EVC2: variants seen among roughly 807,000 people sequenced by gnomAD.
EVC2 encodes the protein limbin.
In EVC2, 148 loss-of-function variants were observed where a neutral mutation model predicts 149.3. The ratio of observed to expected loss-of-function variants is 0.99; its 90% CI spans 0.87 to 1.14. EVC2 has a LOEUF of 1.14. Among genes scored for constraint, EVC2 ranks in the 50% most tolerant of loss-of-function variants. The pLI, the probability that EVC2 is intolerant of heterozygous loss-of-function variation, is 0.00. For synonymous variants in EVC2, 776 were observed against 649.9 expected (o/e 1.19, Z -2.95); for missense variants, 1,854 against 1,627.3 (o/e 1.14, Z -2.40).
At chr4:5,689,032 T>G in intron 5 of EVC2, 125 bp downstream of exon 5, 9 of 1,029,552 alleles carry the variant, frequency 8.7e-6, no homozygotes, top group Non-Finnish European at 1.3e-5. Context: ...AGATCCACTG[T>G]GAGGATTAGG....
At position 5,615,440 on chromosome 4, in the gene EVC2, A is replaced by G. The variant is rs374968184; in HGVS notation, c.2811T>C (p.Ser937=). ...DKIHLCEEQA[S]EDLVEKVRGE... ...TACTGACCTTTTCCACCAGGTCTTC[A>G]GAGGCCTGTTCCTCACAGAGGTGAA... Residue 937 remains serine (S), a synonymous_variant, in exon 16 of 22, where the codon TCT becomes TCC. Coordinates refer to ENST00000344408, the MANE Select transcript of EVC2 (RefSeq NM_147127.5). 2 of 1,614,116 alleles carry G rather than the reference A, an allele frequency of 1.2e-6. No homozygotes were observed. The highest frequency in any genetic ancestry group is 1.3e-5 in the African/African-American group (1 of 74,946).
chr4:5,562,422 G>T, downstream of EVC2: 2 of 1,011,766 alleles, frequency 2.0e-6, no homozygotes, highest in Non-Finnish European at 2.4e-6. This position sits in a 1 kb window ranked among gnomAD's most constrained non-coding sequence, Gnocchi z 4.3. Flanking sequence ...GCAAACATGG[G>T]TTTTGTAATA....
At chr4:5,539,185 C>T (rs1721469556), downstream of EVC2, among the ~76,000 whole-genome samples, 1 of 152,140 alleles carries the variant, frequency 6.6e-6, no homozygotes, top group Admixed American at 6.5e-5. Flanking sequence ...TTTTAAAAGG[C>T]AGTGTGATTA....
intron 9 of EVC2, among the ~76,000 whole-genome samples, chr4:5,651,278 G>A (rs573299859): frequency 6.6e-6 from 1 of 152,124 alleles, no homozygotes; most frequent in Admixed American, 6.5e-5. Context: ...ATATGCAGAT[G>A]GATGGATGAT....
intron 16 of EVC2, among the ~76,000 whole-genome samples, chr4:5,590,071 G>C (rs1039630540): frequency 6.6e-6 from 1 of 152,136 alleles, no homozygotes; most frequent in Non-Finnish European, 1.5e-5. Flanking sequence ...GGAACAGCAT[G>C]ACCAGAGGCA....
rs537460532 is a variant in EVC2, at chr4:5,568,409, C to G, written c.3557+35G>C. ...TCATGGGGACCCTTGTGGACAGGGA[C>G]GTGCCCCGGGAGGCAGCCCCTCCAC... On this transcript the variant is annotated intron_variant, in intron 20 of 21. Transcript: ENST00000344408. 4.6e-6 allele frequency: 7 copies of G among 1,534,974 alleles called. No individual in the cohort carries two copies. In the East Asian group the frequency reaches 1.7e-4, roughly 37 times the overall value.
intron 13 of EVC2, among the ~76,000 whole-genome samples, chr4:5,624,186 G>A (rs1030359102): frequency 6.6e-6 from 1 of 152,036 alleles, no homozygotes; most frequent in Non-Finnish European, 1.5e-5. Flanking sequence ...GCCCCGTGGT[G>A]GGAAAAAAAT....
At position 5,628,125 on chromosome 4, in the gene EVC2, T is replaced by TG. The variant is rs549434898; in HGVS notation, c.1886+433dup. 1.2e-3 allele frequency among the ~76,000 whole-genome samples: 185 copies of TG among 152,298 alleles called. No individual in the cohort carries two copies. The Middle Eastern group carries it at 0.02, about 17-fold the overall frequency. ...AGTGAGGAGCAGTCAGCACATACGC[T>TG]GAATAAACAGTAGTGGGTCTCCAGT... On this transcript the variant is annotated intron_variant, in intron 12 of 21. Transcript: ENST00000344408.
chr4:5,681,303 T>G lies in EVC2; in HGVS notation c.827A>C (p.Gln276Pro), dbSNP rs761502061. The G allele has an allele frequency of 6.2e-7, 1 of 1,614,132 alleles. No homozygotes were observed. Among genetic ancestry groups the G allele is most frequent in the African/African-American group, 1.3e-5 (1 of 74,952 alleles). The change falls in exon 7 of 22, where the codon CAG becomes CCG. Residue 276 changes from glutamine to proline, a missense_variant. Coordinates refer to ENST00000344408, the MANE Select transcript of EVC2 (RefSeq NM_147127.5). ...TFQSSSRNRT[Q>P]LKVLFSITAE... Reference sequence around the variant, plus strand: ...TGTTATGGAAAAAAGCACTTTCAGCTGTGTTCTGTTCTAGAAAAGGAAAAA... The same window carrying G: ...TGTTATGGAAAAAAGCACTTTCAGCGGTGTTCTGTTCTAGAAAAGGAAAAA...
At chr4:5,601,294 A>G (rs1387738779) in intron 16 of EVC2, among the ~76,000 whole-genome samples, 1 of 152,204 alleles carries the variant, frequency 6.6e-6, no homozygotes, top group East Asian at 1.9e-4. Context: ...ATTTAAAAAA[A>G]AAATCTTTAA....
Position 5,640,798 on chromosome 4 carries a change from C to G in EVC2, c.1186G>C (p.Glu396Gln). 1.2e-6 allele frequency: 2 copies of G among 1,614,182 alleles called. No homozygotes were observed. Among genetic ancestry groups the G allele is most frequent in the Non-Finnish European group, 8.5e-7 (1 of 1,180,038 alleles). ...ATLNRADADL[E>Q]ACRTQISKDI... ...TTGCTGATTTGTGTTCGACAAGCCTCCAGATCTGCATCTGCCCGATTCAGG... is the reference window on the plus strand; with the variant it reads ...TTGCTGATTTGTGTTCGACAAGCCTGCAGATCTGCATCTGCCCGATTCAGG... Residue 396 changes from glutamate (E) to glutamine (Q), a missense_variant, in exon 10 of 22, where the codon GAG (glutamate) becomes CAG (glutamine). Physicochemically the swap from Glu to Gln is conservative, Grantham distance 29. Coordinates refer to ENST00000344408, the MANE Select transcript of EVC2 (RefSeq NM_147127.5). This position sits in a 1 kb window ranked among gnomAD's most constrained non-coding sequence, Gnocchi z 4.6.
chr4:5,568,508 T>C lies in EVC2; in HGVS notation c.3493A>G (p.Arg1165Gly). Residue 1165 changes from arginine to glycine, a missense_variant, in exon 20 of 22, where the codon AGA becomes GGA. By Grantham distance (125) the Arg-to-Gly change is moderately radical (BLOSUM62 -2). Transcript: ENST00000344408. ...CTCTCAGCTGCGTGGTCCACATGTCTCTCGGTGGCCGAATCCAGCAGGGCC... is the reference window on the plus strand; with the variant it reads ...CTCTCAGCTGCGTGGTCCACATGTCCCTCGGTGGCCGAATCCAGCAGGGCC... ...LLALLDSATE[R>G]HVDHAAESDG... 8 of 1,588,928 alleles carry C rather than the reference T, an allele frequency of 5.0e-6. No homozygotes were observed. Among genetic ancestry groups the C allele is most frequent in the Non-Finnish European group, 6.8e-6 (8 of 1,174,172 alleles).
intron 5 of EVC2, among the ~76,000 whole-genome samples, chr4:5,687,565 G>A (rs1408573479): frequency 6.6e-6 from 1 of 152,154 alleles, no homozygotes; most frequent in Non-Finnish European, 1.5e-5. Context: ...GAAGTTTGGA[G>A]GCAGAGGGGT....
intron 1 of EVC2, among the ~76,000 whole-genome samples, chr4:5,702,634 A>G (rs1285263422): frequency 6.6e-6 from 1 of 152,250 alleles, no homozygotes; most frequent in Non-Finnish European, 1.5e-5. Context: ...TTAGCCATAC[A>G]TGGCTACTGT....
At chr4:5,690,407 T>G (rs1165436613) in intron 4 of EVC2, among the ~76,000 whole-genome samples, 1 of 120,334 alleles carries the variant, frequency 8.3e-6, no homozygotes, top group Non-Finnish European at 1.6e-5. Context: ...GGGTTGTTGT[T>G]TTTTTTTTTT....
intron 9 of EVC2, among the ~76,000 whole-genome samples, chr4:5,642,994 G>A (rs1276398004): frequency 1.3e-5 from 2 of 152,132 alleles, no homozygotes; most frequent in Non-Finnish European, 2.9e-5. Context: ...GGAGTCATAC[G>A]CAGACAGACC....
intron 16 of EVC2, 94 bp downstream of exon 16, chr4:5,615,327 GC>G (rs1241358483): frequency 6.3e-7 from 1 of 1,589,328 alleles, no homozygotes; most frequent in Non-Finnish European, 8.6e-7. Context: ...GGATGGCACA[GC>G]CCCAAGGGCT....
At chr4:5,575,436 C>T (rs1346580094) in intron 18 of EVC2, among the ~76,000 whole-genome samples, 1 of 152,174 alleles carries the variant, frequency 6.6e-6, no homozygotes, top group Non-Finnish European at 1.5e-5. Context: ...AGATGGGGCC[C>T]CCTCACAATT....
At chr4:5,706,391 T>C (rs1722172923) in intron 1 of EVC2, among the ~76,000 whole-genome samples, 2 of 130,604 alleles carry the variant, frequency 1.5e-5, no homozygotes, top group African/African-American at 3.0e-5. Flanking sequence ...CATAGATAGA[T>C]ACATAGATAG....
Sources: gnomAD v4.1 joint callset for allele counts (sites outside exome capture counted in the v4.1 genomes callset) on GRCh38, gnomAD v4.1.1 for gene constraint, Gnocchi (gnomAD v3.1) non-coding constraint, MANE v1.5 for transcripts, NCBI Gene and HGNC (gene_info 2026-07-23, HGNC 2026-07-21) for gene names.